The following TMPRSS4 variants were observed in gnomAD, a reference collection of about 807,000 sequenced individuals.
TMPRSS4 encodes the protein transmembrane serine protease 4.
Under a neutral mutation model 56.4 loss-of-function variants are expected in TMPRSS4, and 45 were observed. The observed-to-expected ratio is 0.80, with a 90% CI of 0.63 to 1.02. The LOEUF is 1.02. TMPRSS4 is among the 50% of genes least tolerant of loss of function. The pLI, the probability that TMPRSS4 is intolerant of heterozygous loss-of-function variation, is 0.00. For synonymous variants in TMPRSS4, 205 were observed against 211.0 expected (o/e 0.97, Z 0.25); for missense variants, 546 against 556.7 (o/e 0.98, Z 0.19).
At position 118,121,869 on chromosome 11, in the gene TMPRSS4, G is replaced by A. The variant is rs905294194; in HGVS notation, c.*3956G>A. 1 of 152,172 alleles carries A rather than the reference G, an allele frequency of 6.6e-6. No homozygotes were observed. Among genetic ancestry groups the A allele is most frequent in the African/African-American group, 2.4e-5 (1 of 41,428 alleles). The allele number at this position is 152,172 out of a possible 1,614,324, so 9.4% of individuals were successfully genotyped here. ...ATGGAGTAACCACAGCATGCAGCAT[G>A]TAAATTAAAGGGGATAGCTGGAGTT... On this transcript the variant is annotated 3_prime_UTR_variant, in exon 13 of 13. Transcript: ENST00000437212.
chr11:118,098,330 C>T (rs921939145), intron 2 of TMPRSS4, among the ~76,000 whole-genome samples: 1 of 152,226 alleles, frequency 6.6e-6, no homozygotes, highest in African/African-American at 2.4e-5. Flanking sequence ...TTAAGTGCCA[C>T]CTGCTGAGGG....
Position 118,118,658 on chromosome 11 carries a change from TC to T in TMPRSS4, c.*748del. The T allele has an allele frequency of 1.0e-6, 1 of 985,432 alleles. No homozygotes were observed. Among genetic ancestry groups the T allele is most frequent in the Non-Finnish European group, 1.2e-6 (1 of 830,178 alleles). The allele number at this position is 985,432 out of a possible 1,614,324, so 61.0% of individuals were successfully genotyped here. A position where few individuals can be genotyped will look rare whatever the true frequency, so the allele number is the denominator to read the frequency against. On this transcript the variant is annotated 3_prime_UTR_variant, in exon 13 of 13. Coordinates refer to ENST00000437212, the MANE Select transcript of TMPRSS4 (RefSeq NM_019894.4). ...AGAAACCAGGGTGAGCAAGTTTGAG[TC>T]CCACACAGGGCCTTCTCCCTTTGCC...
chr11:118,083,492 C>T (rs1945314376), intron 1 of TMPRSS4, among the ~76,000 whole-genome samples: 1 of 152,190 alleles, frequency 6.6e-6, no homozygotes, highest in African/African-American at 2.4e-5. Context: ...TCGCTCTTTG[C>T]TCAGTTCCTA....
chr11:118,080,838 G>C (rs755528345), intron 1 of TMPRSS4, among the ~76,000 whole-genome samples: 1 of 152,172 alleles, frequency 6.6e-6, no homozygotes, highest in Non-Finnish European at 1.5e-5. Context: ...AGACTTCCCA[G>C]GTGCCTCTTC....
rs1165217450 is a variant in TMPRSS4 at position 118,118,842 on chromosome 11, T to G, written c.*929T>G. 1.0e-6 allele frequency: 1 copy of G among 985,308 alleles called. No homozygotes were observed. Among genetic ancestry groups the G allele is most frequent in the Non-Finnish European group, 1.2e-6 (1 of 829,946 alleles). The allele number at this position is 985,308 out of a possible 1,614,324, so 61.0% of individuals were successfully genotyped here. On this transcript the variant is annotated 3_prime_UTR_variant, in exon 13 of 13. Coordinates refer to ENST00000437212, the MANE Select transcript of TMPRSS4 (RefSeq NM_019894.4). ...GTCCTGTGTCCTAACTTTTTCCGCCTGGAGAGCCCTCAGTGTGGCTTCTTA... is the reference window on the plus strand; with the variant it reads ...GTCCTGTGTCCTAACTTTTTCCGCCGGGAGAGCCCTCAGTGTGGCTTCTTA...
rs1293898485 is a variant in TMPRSS4 at position 118,114,901 on chromosome 11, G to A, written c.983G>A (p.Gly328Glu). 1.2e-6 allele frequency: 2 copies of A among 1,606,212 alleles called. No homozygotes were observed. Among genetic ancestry groups the A allele is most frequent in the Admixed American group, 1.7e-5 (1 of 59,048 alleles). ...LTPATPLWIIGWGFTKQNGGK... is the reference protein window; with the variant it reads ...LTPATPLWIIEWGFTKQNGGK... Reference sequence around the variant, plus strand: ...CCAGCCACCCCACTCTGGATCATTGGATGGGGCTTTACGAAGCAGAATGGA... The same window carrying A: ...CCAGCCACCCCACTCTGGATCATTGAATGGGGCTTTACGAAGCAGAATGGA... The change falls in exon 10 of 13, where the codon GGA (glycine) becomes GAA (glutamate). Residue 328 changes from glycine (G) to glutamate (E), a missense_variant. Gly to Glu is a moderately conservative substitution (Grantham distance 98, BLOSUM62 -2). Coordinates refer to ENST00000437212, the MANE Select transcript of TMPRSS4 (RefSeq NM_019894.4).
At chr11:118,115,408 G>C (rs1280428155) in intron 11 of TMPRSS4, 128 bp downstream of exon 11, 2 of 1,187,876 alleles carry the variant, frequency 1.7e-6, no homozygotes, top group Non-Finnish European at 2.3e-6. Flanking sequence ...TGTGATGATG[G>C]GAGGAAGAGA....
At chr11:118,109,429 T>C (rs1344988221) in intron 7 of TMPRSS4, among the ~76,000 whole-genome samples, 1 of 152,204 alleles carries the variant, frequency 6.6e-6, no homozygotes, top group Admixed American at 6.5e-5. Context: ...CAAGACAACA[T>C]GTGGAAAATG....
chr11:118,077,885 T>C (rs1591320212), intron 1 of TMPRSS4, among the ~76,000 whole-genome samples: 4 of 151,596 alleles, frequency 2.6e-5, no homozygotes, highest in East Asian at 1.9e-4. Flanking sequence ...TGGTGGCAGG[T>C]GCCTGTAATC....
intron 4 of TMPRSS4, among the ~76,000 whole-genome samples, chr11:118,104,457 C>T (rs1417503170): frequency 6.6e-6 from 1 of 152,100 alleles, no homozygotes; most frequent in Non-Finnish European, 1.5e-5. Flanking sequence ...GTCAGGGCAA[C>T]AGGTCAAAAT....
chr11:118,113,340 C>T lies in TMPRSS4; in HGVS notation c.815C>T (p.Ala272Val). 6.2e-7 allele frequency: 1 copy of T among 1,614,160 alleles called. No individual in the cohort carries two copies. Among genetic ancestry groups the T allele is most frequent in the Non-Finnish European group, 8.5e-7 (1 of 1,180,030 alleles). The change falls in exon 9 of 13, where the codon GCT (alanine) becomes GTT (valine). Residue 272 changes from alanine (A) to valine (V), a missense_variant. Transcript: ENST00000437212. Reference sequence around the variant, plus strand: ...AAACTGGGCAGCTTCCCATCCCTGGCTGTGGCCAAGATCATCATCATTGAA... The same window carrying T: ...AAACTGGGCAGCTTCCCATCCCTGGTTGTGGCCAAGATCATCATCATTGAA... ...SDKLGSFPSL[A>V]VAKIIIIEFN...
At chr11:118,113,212 T>G in intron 8 of TMPRSS4, 57 bp from the exon 9 acceptor site, 4 of 1,543,424 alleles carry the variant, frequency 2.6e-6, no homozygotes, top group Non-Finnish European at 3.5e-6. Context: ...GACCCAGCCT[T>G]TGGCAAAGTC....
At chr11:118,089,450 C>G (rs970440441) in intron 1 of TMPRSS4, among the ~76,000 whole-genome samples, 3 of 152,090 alleles carry the variant, frequency 2.0e-5, no homozygotes, top group Non-Finnish European at 2.9e-5. Flanking sequence ...AACTAGAATC[C>G]TTGCTTCATG....
At chr11:118,107,638 A>G (rs571491481) in intron 5 of TMPRSS4, 136 bp from the exon 6 acceptor site, 12 of 668,094 alleles carry the variant, frequency 1.8e-5, no homozygotes, top group African/African-American at 1.1e-4. Flanking sequence ...ACTGACTAAG[A>G]CCATCTCCAC....
rs1202410988 is a variant in TMPRSS4, at chr11:118,120,466, C to T, written c.*2553C>T. On this transcript the variant is annotated 3_prime_UTR_variant, in exon 13 of 13. Transcript: ENST00000437212. Reference sequence around the variant, plus strand: ...AGGAGTTACTATTTCTCCATATCCCCCCTAACACTTGCTATTTTCTGTTAA... The same window carrying T: ...AGGAGTTACTATTTCTCCATATCCCTCCTAACACTTGCTATTTTCTGTTAA... 1 of 152,118 alleles carries T rather than the reference C, an allele frequency of 6.6e-6. No homozygotes were observed. Among genetic ancestry groups the T allele is most frequent in the East Asian group, 1.9e-4 (1 of 5,202 alleles). 9.4% of individuals were successfully genotyped at this position (152,118 alleles called of 1,614,324 possible). A position where few individuals can be genotyped will look rare whatever the true frequency, so the allele number is the denominator to read the frequency against.
chr11:118,104,785 C>T lies in TMPRSS4; in HGVS notation c.405C>T (p.Leu135=), dbSNP rs748421053. ...GTTTCGACAACTTCACAGAAGCTCT[C>T]GCTGAGACAGCCTGTAGGCAGATGG... ...SACFDNFTEA[L]AETACRQMGY... Residue 135 remains leucine (L), a synonymous_variant, in exon 5 of 13, where the codon CTC becomes CTT. Transcript: ENST00000437212. 9.9e-6 allele frequency: 16 copies of T among 1,613,010 alleles called. No individual in the cohort carries two copies. The Admixed American group carries it at 1.5e-4, about 15-fold the overall frequency.
rs1419927142 is a variant in TMPRSS4, at chr11:118,119,892, C to T, written c.*1979C>T. On this transcript the variant is annotated 3_prime_UTR_variant, in exon 13 of 13. Coordinates refer to ENST00000437212, the MANE Select transcript of TMPRSS4 (RefSeq NM_019894.4). ...CACATAACACAAGTTGCCATCTTCA[C>T]CATTTTTAGGTGTATAGTTCAGTGG... 1 of 152,192 alleles carries T rather than the reference C, an allele frequency of 6.6e-6. No individual in the cohort carries two copies. The highest frequency in any genetic ancestry group is 2.4e-5 in the African/African-American group (1 of 41,434). 9.4% of individuals were successfully genotyped at this position (152,192 alleles called of 1,614,324 possible). A position where few individuals can be genotyped will look rare whatever the true frequency, so the allele number is the denominator to read the frequency against.
intron 11 of TMPRSS4, 157 bp downstream of exon 11, chr11:118,115,437 A>T (rs7925897): frequency 7.3e-5 from 64 of 880,518 alleles, no homozygotes; most frequent in Non-Finnish European, 9.7e-5. Context: ...AGGAAAGGAT[A>T]GTCAGATAAA....
chr11:118,114,113 T>C (rs948080352), intron 9 of TMPRSS4, among the ~76,000 whole-genome samples: 47 of 152,230 alleles, frequency 3.1e-4, no homozygotes, highest in African/African-American at 1.1e-3. Flanking sequence ...TTTAAATTTA[T>C]TTGACCACAG....
Sources: gnomAD v4.1 joint callset for allele counts (sites outside exome capture counted in the v4.1 genomes callset) on GRCh38, gnomAD v4.1.1 for gene constraint, MANE v1.5 for transcripts, NCBI Gene and HGNC (gene_info 2026-07-23, HGNC 2026-07-21) for gene names.